Variants in WFIKKN1 observed in about 807,000 individuals in gnomAD.
The protein encoded by WFIKKN1 is WAP, follistatin/kazal, immunoglobulin, kunitz and netrin domain containing 1, also known as WAP, Kazal, immunoglobulin, Kunitz and NTR domain-containing protein 1.
In WFIKKN1, 6 loss-of-function variants were observed where a neutral mutation model predicts 4.6. The ratio of observed to expected loss-of-function variants is 1.31; its 90% CI spans 0.72 to 2.59. WFIKKN1 has a LOEUF of 2.59. Ranked by LOEUF, WFIKKN1 falls within the 30% of genes most tolerant of loss-of-function variation. WFIKKN1 has a pLI of 0.00. For synonymous variants in WFIKKN1, 468 were observed against 367.4 expected, an observed-to-expected ratio of 1.27 and a Z score of -3.13; for missense variants, 964 against 818.0, an observed-to-expected ratio of 1.18 and a Z score of -2.18.
In WFIKKN1 at chr16:632,695, C is replaced by G; in HGVS notation, c.285C>G (p.Gly95=). The change falls in exon 2 of 2, where the codon GGC becomes GGG. Residue 95 remains glycine (G), a synonymous_variant. Transcript: ENST00000319070. ...AAPTTAASCE[G]FVCPQQGSDC... ...CGACGACAGCGGCCTCCTGCGAGGG[C>G]TTTGTGTGCCCACAGCAGGGCTCGG... is the stretch of plus-strand genomic sequence containing the variant. 1.9e-6 allele frequency: 3 copies of G among 1,609,472 alleles called. No individual in the cohort carries two copies. In the South Asian group the frequency reaches 3.3e-5, roughly 18 times the overall value.
Position 633,846 on chromosome 16 carries a change from A to T in WFIKKN1, c.1436A>T (p.Glu479Val). The T allele has an allele frequency of 1.9e-6, 3 of 1,599,608 alleles. No individual in the cohort carries two copies. Among genetic ancestry groups the T allele is most frequent in the Non-Finnish European group, 2.6e-6 (3 of 1,173,746 alleles). Residue 479 changes from glutamate (E) to valine (V), a missense_variant, in exon 2 of 2, where the codon GAG becomes GTG. Coordinates refer to ENST00000319070, the MANE Select transcript of WFIKKN1 (RefSeq NM_053284.3). ...GLKFLGTKYL[E>V]VTLSGMDWAC... ...AAGTTCTTGGGCACCAAGTACCTGGAGGTGACGCTGAGTGGCATGGACTGG... is the reference window on the plus strand; with the variant it reads ...AAGTTCTTGGGCACCAAGTACCTGGTGGTGACGCTGAGTGGCATGGACTGG...
intron 1 of WFIKKN1, chr16:632,376 T>A: frequency 1.9e-6 from 1 of 520,038 alleles, no homozygotes; most frequent in African/African-American, 2.0e-5. Context: ...TGCTTGTGGG[T>A]GTGAGGATTC....
rs1309399637 is a variant in WFIKKN1, at chr16:633,241, ACT to A, written c.836_837del (p.Ser279CysfsTer56). On this transcript the variant is annotated frameshift_variant, in exon 2 of 2. Coordinates refer to ENST00000319070, the MANE Select transcript of WFIKKN1 (RefSeq NM_053284.3). LOFTEE classifies it low-confidence loss of function (END_TRUNC). ...CTGGGCTGCTGCGGGCTGACTTCCC[ACT>A]CTCTGTGGTCCAGCGAGAGCCGGCC... ...AAGLLRADFP[L>X]SVVQREPARD... is the part of the protein sequence containing the mutation. The A allele has an allele frequency of 5.1e-6, 8 of 1,578,386 alleles. No homozygotes were observed. In the South Asian group the frequency reaches 5.7e-5, roughly 11 times the overall value.
In WFIKKN1 at chr16:631,325, A is replaced by C; in HGVS notation, c.72A>C (p.Pro24=). 6.2e-7 allele frequency: 1 copy of C among 1,603,946 alleles called. No homozygotes were observed. The highest frequency in any genetic ancestry group is 8.5e-7 in the Non-Finnish European group (1 of 1,179,174). ...TGACCTCGGGGGCTGGCTTGCTGCC[A>C]GGGCTGGGGAGCCACCCGGGCGTGT... is the stretch of plus-strand genomic sequence containing the variant. ...LRLTSGAGLL[P]GLGSHPGVCP... Residue 24 remains proline (P), a synonymous_variant, in exon 1 of 2, where the codon CCA becomes CCC. Transcript: ENST00000319070.
chr16:632,043 C>G (rs1179887251), intron 1 of WFIKKN1: 1 of 135,760 alleles, frequency 7.4e-6, no homozygotes, highest in African/African-American at 2.9e-5. Flanking sequence ...TCCTCCCACC[C>G]TCTCCTCCCA....
In WFIKKN1 at chr16:633,992, G is replaced by A. The variant is rs781263225; in HGVS notation, c.1582G>A (p.Val528Ile). The A allele has an allele frequency of 1.6e-5, 26 of 1,603,120 alleles. No homozygotes were observed. The highest frequency in any genetic ancestry group is 6.7e-5 in the South Asian group (6 of 89,682). The change falls in exon 2 of 2, where the codon GTC becomes ATC. Residue 528 changes from valine to isoleucine, a missense_variant. Coordinates refer to ENST00000319070, the MANE Select transcript of WFIKKN1 (RefSeq NM_053284.3). ...SYVRAASEKR[V>I]KKILELLEKQ... ...CGTCCGCGCCGCCAGCGAGAAGCGC[G>A]TCAAGAAGATCTTGGAGCTGCTGGA...
At chr16:632,052 CATCCA>C (rs2036957262) in intron 1 of WFIKKN1, 1 of 125,526 alleles carries the variant, frequency 8.0e-6, no homozygotes, top group Non-Finnish European at 1.7e-5. Context: ...CCTCTCCTCC[CATCCA>C]CTCCTCCCAT....
rs982977603 is a variant in WFIKKN1, at chr16:631,031, G to T, written c.-223G>T. The T allele has an allele frequency of 2.5e-5, 14 of 567,318 alleles. No individual in the cohort carries two copies. Among genetic ancestry groups the T allele is most frequent in the African/African-American group, 2.2e-4 (11 of 51,068 alleles). 35.1% of individuals were successfully genotyped at this position (567,318 alleles called of 1,614,324 possible). On this transcript the variant is annotated 5_prime_UTR_variant, in exon 1 of 2. Coordinates refer to ENST00000319070, the MANE Select transcript of WFIKKN1 (RefSeq NM_053284.3). ...GCTGGAGAGGAACCAGCGTCACACA[G>T]ACGGCCTCTGAGAACTTGGAGACCC...
Position 633,598 on chromosome 16 carries a change from C to G in WFIKKN1, c.1188C>G (p.Gly396=), listed in dbSNP as rs1328577726. 6.4e-7 allele frequency: 1 copy of G among 1,572,922 alleles called. No homozygotes were observed. Among genetic ancestry groups the G allele is most frequent in the Non-Finnish European group, 8.6e-7 (1 of 1,165,738 alleles). The change falls in exon 2 of 2, where the codon GGC becomes GGG. Residue 396 remains glycine (G), a synonymous_variant. Transcript: ENST00000319070. ...PFVYGGCEGN[G]NNFHSRESCE... is the part of the protein sequence containing the mutation. ...TGTACGGTGGCTGCGAGGGCAACGG[C>G]AACAACTTCCACAGCCGCGAGAGCT...
chr16:632,539 C>CG, intron 1 of WFIKKN1, 43 bp from the exon 2 acceptor site: 2 of 1,457,404 alleles, frequency 1.4e-6, no homozygotes, highest in Non-Finnish European at 9.1e-7. Flanking sequence ...AGCCCCGGGG[C>CG]GGGGGGCATT....
Position 631,334 on chromosome 16 carries a change from G to A in WFIKKN1, c.81G>A (p.Gly27=). 6.2e-7 allele frequency: 1 copy of A among 1,605,606 alleles called. No homozygotes were observed. Among genetic ancestry groups the A allele is most frequent in the Non-Finnish European group, 8.5e-7 (1 of 1,179,366 alleles). The change falls in exon 1 of 2, where the codon GGG becomes GGA. Residue 27 remains glycine (G), a synonymous_variant. Coordinates refer to ENST00000319070, the MANE Select transcript of WFIKKN1 (RefSeq NM_053284.3). The part of the protein sequence containing the change: ...TSGAGLLPGL[G]SHPGVCPNQL... The stretch of plus-strand genomic sequence containing the variant: ...GGGCTGGCTTGCTGCCAGGGCTGGG[G>A]AGCCACCCGGGCGTGTGCCCCAACC...
chr16:633,726 G>C lies in WFIKKN1; in HGVS notation c.1316G>C (p.Gly439Ala). 1 of 1,587,874 alleles carries C rather than the reference G, an allele frequency of 6.3e-7. No individual in the cohort carries two copies. The highest frequency in any genetic ancestry group is 2.3e-5 in the East Asian group (1 of 43,340). Residue 439 changes from glycine (G) to alanine (A), a missense_variant, in exon 2 of 2, where the codon GGG (glycine) becomes GCG (alanine). Coordinates refer to ENST00000319070, the MANE Select transcript of WFIKKN1 (RefSeq NM_053284.3). The part of the protein sequence containing the change: ...SLCRSDFAIV[G>A]RLTEVLEEPE... ...TGCCGCAGCGACTTCGCCATCGTGGGGCGGCTCACGGAGGTGCTGGAGGAG... is the reference window on the plus strand; with the variant it reads ...TGCCGCAGCGACTTCGCCATCGTGGCGCGGCTCACGGAGGTGCTGGAGGAG...
In WFIKKN1 at chr16:633,215, G is replaced by A. The variant is rs972285267; in HGVS notation, c.805G>A (p.Ala269Thr). Residue 269 changes from alanine to threonine, a missense_variant, in exon 2 of 2, where the codon GCT becomes ACT. Physicochemically the swap from Ala to Thr is moderately conservative, Grantham distance 58. Transcript: ENST00000319070. ...GTACACCTGCACCGCGCGCAACGCT[G>A]CTGGGCTGCTGCGGGCTGACTTCCC... Reference protein sequence around the residue: ...GLYTCTARNAAGLLRADFPLS... With the variant: ...GLYTCTARNATGLLRADFPLS... The A allele has an allele frequency of 1.3e-6, 2 of 1,588,412 alleles. No individual in the cohort carries two copies. The highest frequency in any genetic ancestry group is 8.6e-7 in the Non-Finnish European group (1 of 1,167,540).
chr16:633,300 C>G lies in WFIKKN1; in HGVS notation c.890C>G (p.Ala297Gly), dbSNP rs769026528. ...GCAGCCCCCAGCATCCCAGCCCCGG[C>G]CGAGTGCCTGCCGGATGTGCAGGCC... Reference protein sequence around the residue: ...RDAAPSIPAPAECLPDVQACT... With the variant: ...RDAAPSIPAPGECLPDVQACT... The change falls in exon 2 of 2, where the codon GCC becomes GGC. Residue 297 changes from alanine to glycine, a missense_variant. Coordinates refer to ENST00000319070, the MANE Select transcript of WFIKKN1 (RefSeq NM_053284.3). 1 of 1,592,000 alleles carries G rather than the reference C, an allele frequency of 6.3e-7. No homozygotes were observed. Among genetic ancestry groups the G allele is most frequent in the East Asian group, 2.3e-5 (1 of 43,894 alleles).
At position 631,069 on chromosome 16, in the gene WFIKKN1, A is replaced by G; in HGVS notation, c.-185A>G. 2 of 661,186 alleles carry G rather than the reference A, an allele frequency of 3.0e-6. No individual in the cohort carries two copies. The highest frequency in any genetic ancestry group is 4.0e-5 in the South Asian group (2 of 50,618). 41.0% of individuals were successfully genotyped at this position (661,186 alleles called of 1,614,324 possible). ...AACTTGGAGACCCCGTTACCCACCCAGCAGGGGTGTCAGGACAAGCATCTG... is the reference window on the plus strand; with the variant it reads ...AACTTGGAGACCCCGTTACCCACCCGGCAGGGGTGTCAGGACAAGCATCTG... On this transcript the variant is annotated 5_prime_UTR_variant, in exon 1 of 2. Coordinates refer to ENST00000319070, the MANE Select transcript of WFIKKN1 (RefSeq NM_053284.3).
chr16:633,641 GTGCCGCGCACACCGCCC>G lies in WFIKKN1; in HGVS notation c.1240_1256del (p.Thr414LeufsTer47). On this transcript the variant is annotated frameshift_variant, in exon 2 of 2. Coordinates refer to ENST00000319070, the MANE Select transcript of WFIKKN1 (RefSeq NM_053284.3). LOFTEE classifies it low-confidence loss of function (END_TRUNC). ...CGAGAGCTGCGAGGATGCCTGCCCCGTGCCGCGCACACCGCCCTGCCGCGCCTGCCGCCTCCGGAGCA... is the reference window on the plus strand; with the variant it reads ...CGAGAGCTGCGAGGATGCCTGCCCCGTGCCGCGCCTGCCGCCTCCGGAGCA... 6.4e-7 allele frequency: 1 copy of G among 1,569,528 alleles called. No individual in the cohort carries two copies.
At position 633,761 on chromosome 16, in the gene WFIKKN1, G is replaced by A. The variant is rs531316698; in HGVS notation, c.1351G>A (p.Ala451Thr). Residue 451 changes from alanine (A) to threonine (T), a missense_variant, in exon 2 of 2, where the codon GCC becomes ACC. Ala to Thr is a moderately conservative substitution (Grantham distance 58). Coordinates refer to ENST00000319070, the MANE Select transcript of WFIKKN1 (RefSeq NM_053284.3). ...LTEVLEEPEA[A>T]GGIARVALED... is the part of the protein sequence containing the mutation. ...GGAGGTGCTGGAGGAGCCCGAGGCCGCCGGCGGCATCGCCCGCGTGGCGCT... is the reference window on the plus strand; with the variant it reads ...GGAGGTGCTGGAGGAGCCCGAGGCCACCGGCGGCATCGCCCGCGTGGCGCT... 4.6e-5 allele frequency: 74 copies of A among 1,595,884 alleles called. No homozygotes were observed. The Admixed American group carries it at 6.7e-4, about 15-fold the overall frequency.
rs2036967826 is a variant in WFIKKN1 at position 632,799 on chromosome 16, CG to C, written c.391del (p.Asp131ThrfsTer87). The C allele has an allele frequency of 6.3e-7, 1 of 1,597,880 alleles. No individual in the cohort carries two copies. Among genetic ancestry groups the C allele is most frequent in the Non-Finnish European group, 8.5e-7 (1 of 1,171,464 alleles). On this transcript the variant is annotated frameshift_variant, in exon 2 of 2. Transcript: ENST00000319070. LOFTEE classifies it low-confidence loss of function (END_TRUNC). ...AAGGAGCCCAGCTTCACCTGCGCCTCGGACGGCCTCACCTACTACAACCGCT... is the reference window on the plus strand; with the variant it reads ...AAGGAGCCCAGCTTCACCTGCGCCTCGACGGCCTCACCTACTACAACCGCT... The part of the protein sequence containing the change: ...CEKEPSFTCA[S>X]DGLTYYNRCY...
rs765174836 is a variant in WFIKKN1, at chr16:632,635, C to T, written c.225C>T (p.Cys75=). The T allele has an allele frequency of 2.2e-5, 35 of 1,595,716 alleles. No homozygotes were observed. The highest frequency in any genetic ancestry group is 2.8e-5 in the Non-Finnish European group (33 of 1,170,230). The part of the protein sequence containing the change: ...CCINVCGLHS[C]VAARFPGSPA... ...TCAACGTGTGTGGACTGCACAGCTG[C>T]GTGGCAGCACGCTTCCCCGGCAGCC... The change falls in exon 2 of 2, where the codon TGC becomes TGT. Residue 75 remains cysteine (C), a synonymous_variant. Coordinates refer to ENST00000319070, the MANE Select transcript of WFIKKN1 (RefSeq NM_053284.3).
Sources: allele counts gnomAD v4.1 joint callset, GRCh38; gene constraint gnomAD v4.1.1; transcripts MANE v1.5; gene names NCBI Gene and HGNC (gene_info 2026-07-23, HGNC 2026-07-21).